Variants in EEFSEC observed in about 807,000 individuals in gnomAD.
EEFSEC encodes the protein eukaryotic elongation factor, selenocysteine-tRNA specific.
EEFSEC carries 43 observed loss-of-function variants against 42.1 expected under a neutral mutation model. The observed-to-expected ratio is 1.02, with a 90% confidence interval of 0.80 to 1.32. The LOEUF (loss-of-function observed/expected upper bound fraction) is 1.32. EEFSEC is among the 40% of genes most tolerant of loss of function. EEFSEC has a pLI of 0.00. For synonymous variants in EEFSEC, 354 were observed against 339.1 expected, an observed-to-expected ratio of 1.04 and a Z score of -0.48; for missense variants, 745 against 803.6, an observed-to-expected ratio of 0.93 and a Z score of 0.88.
intron 4 of EEFSEC, among the ~76,000 whole-genome samples, chr3:128,330,359 G>T (rs528255975): frequency 6.6e-6 from 1 of 152,162 alleles, no homozygotes; most frequent in Admixed American, 6.5e-5. Flanking sequence ...GCCCCATGTG[G>T]CAGGCACTGT....
chr3:128,238,576 C>T (rs2066036880), intron 1 of EEFSEC, among the ~76,000 whole-genome samples: 1 of 152,178 alleles, frequency 6.6e-6, no homozygotes, highest in Non-Finnish European at 1.5e-5. Context: ...GGCATAGTCT[C>T]GGCTCACTGC....
intron 4 of EEFSEC, among the ~76,000 whole-genome samples, chr3:128,301,761 G>T (rs1238411418): frequency 6.6e-6 from 1 of 152,190 alleles, no homozygotes. Context: ...AATGGGGCAG[G>T]AGGAAAGAGA....
At chr3:128,279,109 G>A (rs1261014529) in intron 4 of EEFSEC, among the ~76,000 whole-genome samples, 1 of 152,198 alleles carries the variant, frequency 6.6e-6, no homozygotes, top group African/African-American at 2.4e-5. Context: ...CAGAGGGAAC[G>A]CTGCCAAGCA....
At chr3:128,361,710 G>T (rs1293021304) in intron 6 of EEFSEC, among the ~76,000 whole-genome samples, 1 of 152,216 alleles carries the variant, frequency 6.6e-6, no homozygotes, top group Non-Finnish European at 1.5e-5. Context: ...AGTCTTGGGG[G>T]ATCTCAAGGT....
intron 1 of EEFSEC, among the ~76,000 whole-genome samples, chr3:128,202,320 A>C (rs900267943): frequency 5.3e-5 from 8 of 152,228 alleles, no homozygotes; most frequent in Non-Finnish European, 4.4e-5. Context: ...TTTCCAATCT[A>C]TGAACTTAGC....
At chr3:128,232,065 AC>A (rs1229318252) in intron 1 of EEFSEC, among the ~76,000 whole-genome samples, 1 of 150,646 alleles carries the variant, frequency 6.6e-6, no homozygotes, top group Admixed American at 6.6e-5. Context: ...TCCCACCCCC[AC>A]CCCCAAGCCC....
At position 128,367,259 on chromosome 3, in the gene EEFSEC, A is replaced by G. The variant is rs192498376; in HGVS notation, c.1600+8886A>G. 2.4e-4 allele frequency among the ~76,000 whole-genome samples: 37 copies of G among 152,350 alleles called. 1 individual carries two copies. In the East Asian group the frequency reaches 5.2e-3, roughly 21 times the overall value. The stretch of plus-strand genomic sequence containing the variant: ...GAAGGGACACAGTTCAGCCTGTAAC[A>G]GTTAGGATGCTGGCACTGGCAGACT... On this transcript the variant is annotated intron_variant, in intron 6 of 6. Coordinates refer to ENST00000254730, the MANE Select transcript of EEFSEC (RefSeq NM_021937.5).
intron 6 of EEFSEC, among the ~76,000 whole-genome samples, chr3:128,382,075 C>T (rs2067782920): frequency 6.6e-6 from 1 of 152,232 alleles, no homozygotes; most frequent in Admixed American, 6.5e-5. Context: ...GCCCTCTCCT[C>T]TCTGAGTCTC....
At chr3:128,399,338 G>T (rs544296709) in intron 6 of EEFSEC, among the ~76,000 whole-genome samples, 1 of 152,294 alleles carries the variant, frequency 6.6e-6, no homozygotes, top group East Asian at 1.9e-4. Flanking sequence ...CGGGGCGCTG[G>T]TTGCCTACGC....
chr3:128,259,955 A>G (rs1239872158), intron 2 of EEFSEC, among the ~76,000 whole-genome samples: 1 of 152,074 alleles, frequency 6.6e-6, no homozygotes. Flanking sequence ...CTTTTTGGCT[A>G]TTGTGAATAG....
chr3:128,241,201 CTTT>C (rs373420882), intron 1 of EEFSEC, among the ~76,000 whole-genome samples: 1 of 80,656 alleles, frequency 1.2e-5, no homozygotes, highest in Non-Finnish European at 2.2e-5. Flanking sequence ...CTCTCTCTCT[CTTT>C]TTTTTTTTTT....
intron 6 of EEFSEC, 57 bp from the exon 7 acceptor site, chr3:128,408,012 G>A (rs2068139015): frequency 6.8e-7 from 1 of 1,460,500 alleles, no homozygotes; most frequent in South Asian, 1.4e-5. Context: ...CGCGGGCAGG[G>A]AGCCCACGGG....
chr3:128,182,714 G>C (rs1455672827), intron 1 of EEFSEC, among the ~76,000 whole-genome samples: 1 of 152,194 alleles, frequency 6.6e-6, no homozygotes, highest in East Asian at 1.9e-4. Flanking sequence ...GACAGTGCCT[G>C]CTGGAACCTG....
At chr3:128,305,065 T>G (rs1391277773) in intron 4 of EEFSEC, among the ~76,000 whole-genome samples, 3 of 152,192 alleles carry the variant, frequency 2.0e-5, no homozygotes, top group Non-Finnish European at 4.4e-5. Flanking sequence ...GTGATGGCTT[T>G]TCGATCTCAT....
At chr3:128,388,757 T>A (rs769487415) in intron 6 of EEFSEC, among the ~76,000 whole-genome samples, 1 of 152,250 alleles carries the variant, frequency 6.6e-6, no homozygotes, top group African/African-American at 2.4e-5. Flanking sequence ...AACTGCTGCC[T>A]CTAGCCCCTG....
chr3:128,153,739 G>C lies in EEFSEC; in HGVS notation c.232G>C (p.Glu78Gln). The change falls in exon 1 of 7, where the codon GAG (glutamate) becomes CAG (glutamine). Residue 78 changes from glutamate (E) to glutamine (Q), a missense_variant. Physicochemically the swap from Glu to Gln is conservative, Grantham distance 29. Coordinates refer to ENST00000254730, the MANE Select transcript of EEFSEC (RefSeq NM_021937.5). Reference sequence around the variant, plus strand: ...CGAGTTCCAGGCAGCGCCCGAGGCCGAGCCCGAGCCCGGCGAGCCACTGCT... The same window carrying C: ...CGAGTTCCAGGCAGCGCCCGAGGCCCAGCCCGAGCCCGGCGAGCCACTGCT... ...LPEFQAAPEA[E>Q]PEPGEPLLQV... 1 of 1,538,552 alleles carries C rather than the reference G, an allele frequency of 6.5e-7. No individual in the cohort carries two copies. Among genetic ancestry groups the C allele is most frequent in the East Asian group, 2.5e-5 (1 of 39,888 alleles).
chr3:128,377,363 C>G (rs2067722061), intron 6 of EEFSEC, among the ~76,000 whole-genome samples: 1 of 152,110 alleles, frequency 6.6e-6, no homozygotes, highest in South Asian at 2.1e-4. Flanking sequence ...GGTCTGAATC[C>G]CAGCACCATT....
At chr3:128,264,533 G>A in intron 3 of EEFSEC, 84 bp from the exon 4 acceptor site, 3 of 1,484,892 alleles carry the variant, frequency 2.0e-6, no homozygotes, top group Non-Finnish European at 2.7e-6. Flanking sequence ...TGAACTGCTG[G>A]TCAGCCACAT....
At chr3:128,347,371 G>A (rs1355509057) in intron 5 of EEFSEC, among the ~76,000 whole-genome samples, 2 of 152,174 alleles carry the variant, frequency 1.3e-5, no homozygotes, top group African/African-American at 4.8e-5. Flanking sequence ...TAATCTTTCT[G>A]GGGAGAGGGT....
Sources: allele counts gnomAD v4.1 joint callset (sites outside exome capture counted in the v4.1 genomes callset), GRCh38; gene constraint gnomAD v4.1.1; transcripts MANE v1.5; gene names NCBI Gene and HGNC (gene_info 2026-07-23, HGNC 2026-07-21).